NXPE1: variants seen among roughly 807,000 people sequenced by gnomAD.
NXPE1 encodes neurexophilin and PC-esterase domain family member 1.
NXPE1 carries 31 observed loss-of-function variants against 33.3 expected under a neutral mutation model. That is an observed-to-expected ratio of 0.93 (90% CI 0.70 to 1.26). The LOEUF (loss-of-function observed/expected upper bound fraction) is 1.26, where lower values mean the gene tolerates loss of function less well. Among genes scored for constraint, NXPE1 ranks in the 50% most tolerant of loss-of-function variants. The pLI, the probability that NXPE1 is intolerant of heterozygous loss-of-function variation, is 0.00. For synonymous variants in NXPE1, 229 were observed against 231.4 expected (o/e 0.99, Z 0.09); for missense variants, 661 against 655.6 (o/e 1.01, Z -0.09).
rs181686983 is a variant in NXPE1 at position 114,534,996 on chromosome 11, T to G, written c.100-4088A>C. ...CATAATTGTCAAATTCACCAAAGTT[T>G]AAATGAAGGAAAAAATGTTAAGGGC... On this transcript the variant is annotated intron_variant, in intron 5 of 8. Transcript: ENST00000534921. Among the ~76,000 whole-genome samples, 902 of 152,040 alleles carry G rather than the reference T, an allele frequency of 5.9e-3. 4 individuals are homozygous for G. Among genetic ancestry groups the G allele is most frequent in the Non-Finnish European group, 9.9e-3 (673 of 67,958 alleles).
intron 5 of NXPE1, among the ~76,000 whole-genome samples, chr11:114,542,502 G>C (rs1053766953): frequency 3.9e-5 from 6 of 152,152 alleles, no homozygotes; most frequent in Admixed American, 3.3e-4. Context: ...AAGGAATAGA[G>C]AATAGTATGC....
intron 5 of NXPE1, among the ~76,000 whole-genome samples, chr11:114,542,616 T>C (rs1409334903): frequency 6.6e-6 from 1 of 152,156 alleles, no homozygotes; most frequent in Non-Finnish European, 1.5e-5. Flanking sequence ...ATTTGCCTTA[T>C]AGTTATTAAC....
chr11:114,521,502 C>T (rs1270917355), downstream of NXPE1: 1 of 153,840 alleles, frequency 6.5e-6, no homozygotes, highest in African/African-American at 2.4e-5. Flanking sequence ...TTTTCTGTTC[C>T]AGTCCTGGAA....
chr11:114,528,343 A>G (rs1315706521), intron 6 of NXPE1, among the ~76,000 whole-genome samples: 2 of 152,136 alleles, frequency 1.3e-5, no homozygotes, highest in Non-Finnish European at 2.9e-5. Context: ...TGCAAATCCA[A>G]CTGCACTACT....
chr11:114,533,182 T>G (rs1184302536), intron 5 of NXPE1, among the ~76,000 whole-genome samples: 2 of 152,188 alleles, frequency 1.3e-5, no homozygotes, highest in Non-Finnish European at 2.9e-5. Context: ...TTATAGATGT[T>G]GTGACTGTTT....
At chr11:114,556,162 A>G (rs1317627933) in intron 1 of NXPE1, among the ~76,000 whole-genome samples, 2 of 152,192 alleles carry the variant, frequency 1.3e-5, no homozygotes, top group Non-Finnish European at 2.9e-5. Context: ...GAGTTTTCCA[A>G]TTCATGAAAA....
chr11:114,547,263 A>G (rs1367612659), intron 5 of NXPE1, among the ~76,000 whole-genome samples: 2 of 152,214 alleles, frequency 1.3e-5, no homozygotes, highest in African/African-American at 4.8e-5. Flanking sequence ...TGATGTGATG[A>G]GTGGAAGACC....
Position 114,533,950 on chromosome 11 carries a change from C to T in NXPE1, c.100-3042G>A, listed in dbSNP as rs182153061. ...TTGAAGAGAGCAGTGGTTCTCCCAG[C>T]ATGCAGCTTGAGATCTGAGAATGGG... On this transcript the variant is annotated intron_variant, in intron 5 of 8. Coordinates refer to ENST00000534921, the Ensembl canonical transcript of NXPE1. Among the ~76,000 whole-genome samples the T allele has an allele frequency of 9.3e-3, 1,422 of 152,312 alleles. 23 individuals are homozygous for T. Among genetic ancestry groups the T allele is most frequent in the African/African-American group, 0.031 (1,288 of 41,550 alleles).
intron 5 of NXPE1, among the ~76,000 whole-genome samples, chr11:114,539,628 C>G (rs1948005889): frequency 6.6e-6 from 1 of 152,014 alleles, no homozygotes; most frequent in South Asian, 2.1e-4. Flanking sequence ...TAATTAAATT[C>G]TTAAGATGGG....
At chr11:114,544,597 A>T (rs1948211988) in intron 5 of NXPE1, among the ~76,000 whole-genome samples, 1 of 152,204 alleles carries the variant, frequency 6.6e-6, no homozygotes, top group Non-Finnish European at 1.5e-5. Flanking sequence ...GACAGACCTA[A>T]ATAAATATAA....
At chr11:114,533,245 A>C (rs1019491729) in intron 5 of NXPE1, among the ~76,000 whole-genome samples, 5 of 152,230 alleles carry the variant, frequency 3.3e-5, no homozygotes, top group African/African-American at 9.7e-5. Flanking sequence ...AAGAAGCCGA[A>C]TACAAAACAA....
chr11:114,532,216 GATA>G (rs1164586382), intron 5 of NXPE1, among the ~76,000 whole-genome samples: 3 of 152,094 alleles, frequency 2.0e-5, no homozygotes, highest in Admixed American at 2.0e-4. Context: ...AAGACAATGA[GATA>G]TCATTTAAAA....
At chr11:114,542,895 T>A (rs1348345497) in intron 5 of NXPE1, among the ~76,000 whole-genome samples, 3 of 152,156 alleles carry the variant, frequency 2.0e-5, no homozygotes, top group Non-Finnish European at 2.9e-5. Flanking sequence ...CAAAACAATA[T>A]GTCATACTGA....
At chr11:114,535,393 C>G (rs573593309) in intron 5 of NXPE1, among the ~76,000 whole-genome samples, 3 of 152,256 alleles carry the variant, frequency 2.0e-5, no homozygotes, top group Non-Finnish European at 4.4e-5. Context: ...AAATAACCAG[C>G]TAACATCATA....
At chr11:114,544,206 A>T (rs1948197469) in intron 5 of NXPE1, among the ~76,000 whole-genome samples, 2 of 152,132 alleles carry the variant, frequency 1.3e-5, no homozygotes, top group South Asian at 4.1e-4. Context: ...AATCCCAGCA[A>T]TTTTTTTGTA....
downstream of NXPE1, among the ~76,000 whole-genome samples, chr11:114,520,081 C>A (rs926900460): frequency 6.6e-6 from 1 of 152,032 alleles, no homozygotes; most frequent in Non-Finnish European, 1.5e-5. Context: ...GCATTACAGG[C>A]GTAAGCCACC....
At chr11:114,552,711 G>T in intron 2 of NXPE1, 141 bp downstream of exon 2, 1 of 174,998 alleles carries the variant, frequency 5.7e-6, no homozygotes, top group Non-Finnish European at 1.1e-5. Flanking sequence ...ATTTTTCCTT[G>T]CCTAGAAAGT....
Position 114,523,404 on chromosome 11 carries a change from G to T in NXPE1, c.896-313C>A, listed in dbSNP as rs1947275617. On this transcript the variant is annotated intron_variant, in intron 7 of 8. Coordinates refer to ENST00000534921, the Ensembl canonical transcript of NXPE1. ...TTTTCCTGACTCTGTGGTGACTTCTGTCTTTGTCTCTTACCCAAATGATGT... is the reference window on the plus strand; with the variant it reads ...TTTTCCTGACTCTGTGGTGACTTCTTTCTTTGTCTCTTACCCAAATGATGT... Among the ~76,000 whole-genome samples, 3 of 152,010 alleles carry T rather than the reference G, an allele frequency of 2.0e-5. No individual in the cohort carries two copies. The South Asian group carries it at 6.2e-4, about 32-fold the overall frequency.
intron 5 of NXPE1, among the ~76,000 whole-genome samples, chr11:114,538,430 G>A (rs1012916351): frequency 6.6e-6 from 1 of 152,124 alleles, no homozygotes; most frequent in Non-Finnish European, 1.5e-5. Context: ...TTGACAAATG[G>A]GATCTAATTA....
Sources: gnomAD v4.1 joint callset for allele counts (sites outside exome capture counted in the v4.1 genomes callset) on GRCh38, gnomAD v4.1.1 for gene constraint, MANE v1.5 for transcripts, NCBI Gene and HGNC (gene_info 2026-07-23, HGNC 2026-07-21) for gene names.